SLC46A2: variants seen among roughly 807,000 people sequenced by gnomAD.
SLC46A2 encodes solute carrier family 46 member 2, also known as thymic stromal co-transporter.
SLC46A2 carries 25 observed loss-of-function variants against 33.1 expected under a neutral mutation model. The observed-to-expected ratio is 0.76, with a 90% CI of 0.55 to 1.06. SLC46A2 has a LOEUF of 1.06. Ranked by LOEUF, SLC46A2 falls within the 50% of genes least tolerant of loss-of-function variation. SLC46A2 has a pLI of 0.00. For synonymous variants in SLC46A2, 254 were observed against 275.9 expected (o/e 0.92, Z 0.79); for missense variants, 622 against 621.7 (o/e 1.00, Z 0.00).
At chr9:112,889,377 AACAAT>A (rs1395240192) in intron 1 of SLC46A2, among the ~76,000 whole-genome samples, 171 bp downstream of exon 1, 1 of 152,178 alleles carries the variant, frequency 6.6e-6, no homozygotes, top group African/African-American at 2.4e-5. Context: ...ATAATTAATT[AACAAT>A]ACATTACAGA....
intron 3 of SLC46A2, among the ~76,000 whole-genome samples, chr9:112,880,998 C>G (rs1258817500): frequency 6.6e-6 from 1 of 152,318 alleles, no homozygotes; most frequent in African/African-American, 2.4e-5. Context: ...GGATGAACTC[C>G]CATCTATATC....
In SLC46A2 at chr9:112,889,838, TGGTTTTATGG is replaced by T; in HGVS notation, c.834_843del (p.His279ProfsTer22). ...GCACCCACAAAGAGCAAGGCAATGG[TGGTTTTATGG>T]GGTTTTGCTTTTCCAGGAGATGGAG... On this transcript the variant is annotated frameshift_variant, in exon 1 of 4. Coordinates refer to ENST00000374228, the MANE Select transcript of SLC46A2 (RefSeq NM_033051.4). LOFTEE classifies it high-confidence loss of function. The T allele has an allele frequency of 1.2e-6, 2 of 1,613,980 alleles. No homozygotes were observed. Among genetic ancestry groups the T allele is most frequent in the Non-Finnish European group, 1.7e-6 (2 of 1,179,974 alleles).
Position 112,889,875 on chromosome 9 carries a change from G to C in SLC46A2, c.807C>G (p.His269Gln). 6.2e-7 allele frequency: 1 copy of C among 1,614,234 alleles called. No individual in the cohort carries two copies. The highest frequency in any genetic ancestry group is 1.1e-5 in the South Asian group (1 of 91,090). Residue 269 changes from histidine (H) to glutamine (Q), a missense_variant, in exon 1 of 4, where the codon CAC becomes CAG. His to Gln is a conservative substitution (Grantham distance 24). Coordinates refer to ENST00000374228, the MANE Select transcript of SLC46A2 (RefSeq NM_033051.4). ...DQLDQQYAVGHPPSPGKAKPH... is the reference protein window; with the variant it reads ...DQLDQQYAVGQPPSPGKAKPH... ...GTTTTGCTTTTCCAGGAGATGGAGG[G>C]TGCCCCACTGCATACTGTTGGTCCA...
chr9:112,890,849 G>T lies in SLC46A2; in HGVS notation c.-168C>A. On this transcript the variant is annotated 5_prime_UTR_variant, in exon 1 of 4. Coordinates refer to ENST00000374228, the MANE Select transcript of SLC46A2 (RefSeq NM_033051.4). This position sits in a 1 kb window ranked among gnomAD's most constrained non-coding sequence, Gnocchi z 6.0. ...CGCCGGGAGCGCGCCGGCCAGTGGC[G>T]AGCAGAGCCAGGGCACGCAGCGCCT... 2.4e-6 allele frequency: 2 copies of T among 843,782 alleles called. No individual in the cohort carries two copies. Among genetic ancestry groups the T allele is most frequent in the East Asian group, 2.7e-5 (1 of 36,828 alleles). The allele number at this position is 843,782 out of a possible 1,614,324, so 52.3% of individuals were successfully genotyped here. A position where few individuals can be genotyped will look rare whatever the true frequency, so the allele number is the denominator to read the frequency against.
chr9:112,879,345 GA>G lies in SLC46A2; in HGVS notation c.*416del. 1.2e-5 allele frequency: 2 copies of G among 165,214 alleles called. No homozygotes were observed. The highest frequency in any genetic ancestry group is 4.1e-4 in the South Asian group (2 of 4,938). The allele number at this position is 165,214 out of a possible 1,614,324, so 10.2% of individuals were successfully genotyped here. A position where few individuals can be genotyped will look rare whatever the true frequency, so the allele number is the denominator to read the frequency against. On this transcript the variant is annotated 3_prime_UTR_variant, in exon 4 of 4. Transcript: ENST00000374228. ...ATGCACGCTTTGAGTTCTCCCATGG[GA>G]CTTTCAGCACAGCACCCAGGTGACT...
intron 2 of SLC46A2, 40 bp downstream of exon 2, chr9:112,887,290 C>A: frequency 6.3e-7 from 1 of 1,595,168 alleles, no homozygotes; most frequent in Non-Finnish European, 8.6e-7. Flanking sequence ...CTGAAACAGC[C>A]CGGGCAGAAG....
At chr9:112,880,025 G>C in intron 3 of SLC46A2, 2 of 481,330 alleles carry the variant, frequency 4.2e-6, no homozygotes, top group Non-Finnish European at 7.6e-6. Context: ...CTTCCCCATT[G>C]TTCCTTTAGA....
In SLC46A2 at chr9:112,890,039, A is replaced by T. The variant is rs368719760; in HGVS notation, c.643T>A (p.Cys215Ser). Residue 215 changes from cysteine to serine, a missense_variant, in exon 1 of 4, where the codon TGT becomes AGT. Cys to Ser is a moderately radical substitution (Grantham distance 112). Transcript: ENST00000374228. The surrounding 1 kb of genome is among the most constrained non-coding windows in gnomAD (Gnocchi z 6.0). ...CTGTAGAGCAGGGCAAACGAGGCAC[A>T]GCTCACGCTGCAGGCCGTCAGTATC... ...GLILTACSVS[C>S]ASFALLYSLL... 1.8e-5 allele frequency: 29 copies of T among 1,613,984 alleles called. No homozygotes were observed. In the African/African-American group the frequency reaches 3.7e-4, roughly 21 times the overall value.
chr9:112,890,434 AGGTTGTAGATAAT>A lies in SLC46A2; in HGVS notation c.235_247del (p.Ile79LeufsTer60). 6.2e-7 allele frequency: 1 copy of A among 1,614,178 alleles called. No homozygotes were observed. Among genetic ancestry groups the A allele is most frequent in the Non-Finnish European group, 8.5e-7 (1 of 1,180,020 alleles). On this transcript the variant is annotated frameshift_variant, in exon 1 of 4. Coordinates refer to ENST00000374228, the MANE Select transcript of SLC46A2 (RefSeq NM_033051.4). LOFTEE classifies it high-confidence loss of function. The surrounding 1 kb of genome is among the most constrained non-coding windows in gnomAD (Gnocchi z 6.0). Reference sequence around the variant, plus strand: ...CAGCAGGGGGGACAGGCCCACCACAAGGTTGTAGATAATGTAGAAATTGGAGATGGCTCTCTGC... The same window carrying A: ...CAGCAGGGGGGACAGGCCCACCACAAGTAGAAATTGGAGATGGCTCTCTGC...
At position 112,890,242 on chromosome 9, in the gene SLC46A2, C is replaced by T. The variant is rs1195675227; in HGVS notation, c.440G>A (p.Gly147Asp). The T allele has an allele frequency of 6.2e-7, 1 of 1,613,052 alleles. No homozygotes were observed. The highest frequency in any genetic ancestry group is 1.7e-5 in the Admixed American group (1 of 60,002). ...CCCGGACCAGAAGGCGGAGAAGCCG[C>T]CGAATAGCCCGTTCAGCGCCGCCGC... ...YGAAALNGLFGGFSAFWSGVM... is the reference protein window; with the variant it reads ...YGAAALNGLFDGFSAFWSGVM... Residue 147 changes from glycine (G) to aspartate (D), a missense_variant, in exon 1 of 4, where the codon GGC (glycine) becomes GAC (aspartate). Physicochemically the swap from Gly to Asp is moderately conservative, Grantham distance 94. Transcript: ENST00000374228. This position sits in a 1 kb window ranked among gnomAD's most constrained non-coding sequence, Gnocchi z 6.0.
In SLC46A2 at chr9:112,879,539, G is replaced by A; in HGVS notation, c.*223C>T. 2 of 513,788 alleles carry A rather than the reference G, an allele frequency of 3.9e-6. No homozygotes were observed. Among genetic ancestry groups the A allele is most frequent in the Non-Finnish European group, 7.1e-6 (2 of 282,492 alleles). 31.8% of individuals were successfully genotyped at this position (513,788 alleles called of 1,614,324 possible). On this transcript the variant is annotated 3_prime_UTR_variant, in exon 4 of 4. Transcript: ENST00000374228. ...CACAGAACCCAGTGTCTGCCTAATG[G>A]GGGTGTCTTAAAGCTGAGAACGTTT...
chr9:112,886,604 A>G lies in SLC46A2; in HGVS notation c.1226T>C (p.Val409Ala). Residue 409 changes from valine (V) to alanine (A), a missense_variant, in exon 3 of 4, where the codon GTC becomes GCC. By Grantham distance (64) the Val-to-Ala change is moderately conservative. Coordinates refer to ENST00000374228, the MANE Select transcript of SLC46A2 (RefSeq NM_033051.4). ...CAGAGCCAAGGACAGCTGCAGTATGACGAACACCTTTCCTGTGGAAGGGAC... is the reference window on the plus strand; with the variant it reads ...CAGAGCCAAGGACAGCTGCAGTATGGCGAACACCTTTCCTGTGGAAGGGAC... ...IKGSSYGKVF[V>A]ILQLSLALTG... 6.2e-7 allele frequency: 1 copy of G among 1,613,984 alleles called. No individual in the cohort carries two copies. The highest frequency in any genetic ancestry group is 1.3e-5 in the African/African-American group (1 of 75,042).
intron 3 of SLC46A2, chr9:112,880,128 C>T (rs1002150844): frequency 1.0e-4 from 23 of 224,424 alleles, no homozygotes; most frequent in Non-Finnish European, 8.7e-5. Context: ...GTCAGGAGTT[C>T]GAGACCAGCC....
rs188325624 is a variant in SLC46A2, at chr9:112,889,009, G to A, written c.1129+544C>T. Reference sequence around the variant, plus strand: ...GGGTTCAAGTGATTCTTGTGCCTCAGCTTCCTGAGTAGCTAGGACTACAGG... The same window carrying A: ...GGGTTCAAGTGATTCTTGTGCCTCAACTTCCTGAGTAGCTAGGACTACAGG... On this transcript the variant is annotated intron_variant, in intron 1 of 3. Coordinates refer to ENST00000374228, the MANE Select transcript of SLC46A2 (RefSeq NM_033051.4). Among the ~76,000 whole-genome samples the A allele has an allele frequency of 3.3e-3, 503 of 151,938 alleles. 2 individuals carry two copies. Among genetic ancestry groups the A allele is most frequent in the Middle Eastern group, 6.8e-3 (2 of 294 alleles).
chr9:112,888,362 T>A (rs531563040), intron 1 of SLC46A2, among the ~76,000 whole-genome samples: 1 of 152,234 alleles, frequency 6.6e-6, no homozygotes, highest in African/African-American at 2.4e-5. Context: ...CTCTGTCCTA[T>A]GCTGTTTAAT....
Position 112,889,722 on chromosome 9 carries a change from C to T in SLC46A2, c.960G>A (p.Val320=). The T allele has an allele frequency of 6.8e-6, 11 of 1,614,116 alleles. No homozygotes were observed. Among genetic ancestry groups the T allele is most frequent in the Non-Finnish European group, 9.3e-6 (11 of 1,180,002 alleles). The stretch of plus-strand genomic sequence containing the variant: ...TGTACCCTGCAGCCATACCATAGCC[C>T]ACCTGCACTTGGTTCCAACCGAGAG... ...REPLGWNQVQ[V]GYGMAAGYTI... Residue 320 remains valine (V), a synonymous_variant, in exon 1 of 4, where the codon GTG becomes GTA. Coordinates refer to ENST00000374228, the MANE Select transcript of SLC46A2 (RefSeq NM_033051.4).
chr9:112,879,797 G>A lies in SLC46A2; in HGVS notation c.1393C>T (p.Pro465Ser). Residue 465 changes from proline to serine, a missense_variant, in exon 4 of 4, where the codon CCA (proline) becomes TCA (serine). Physicochemically the swap from Pro to Ser is moderately conservative, Grantham distance 74 (BLOSUM62 -1). Transcript: ENST00000374228. ...PISIVAYKQV[P>S]LSPYGDIIEK ...ATGATGTCTCCATATGGTGACAATG[G>A]GACTTGTTTATAGGCCACGATGCTG... The A allele has an allele frequency of 6.2e-7, 1 of 1,613,076 alleles. No homozygotes were observed. The highest frequency in any genetic ancestry group is 8.5e-7 in the Non-Finnish European group (1 of 1,179,280).
intron 1 of SLC46A2, among the ~76,000 whole-genome samples, chr9:112,887,967 A>G (rs911860281): frequency 5.5e-5 from 7 of 126,788 alleles, no homozygotes; most frequent in Admixed American, 1.6e-4. Flanking sequence ...GAGAGAGAGA[A>G]CGCACAAGAG....
intron 3 of SLC46A2, among the ~76,000 whole-genome samples, 186 bp downstream of exon 3, chr9:112,886,274 G>C (rs1026904543): frequency 1.3e-5 from 2 of 152,220 alleles, no homozygotes; most frequent in Non-Finnish European, 2.9e-5. Flanking sequence ...GAGGAATTCT[G>C]AAATGGCCAC....
Sources: gnomAD v4.1 joint callset for allele counts (sites outside exome capture counted in the v4.1 genomes callset) on GRCh38, gnomAD v4.1.1 for gene constraint, Gnocchi (gnomAD v3.1) non-coding constraint, MANE v1.5 for transcripts, NCBI Gene and HGNC (gene_info 2026-07-23, HGNC 2026-07-21) for gene names.